Variants in PDE11A observed in about 807,000 individuals in gnomAD.
The protein encoded by PDE11A is dual 3',5'-cyclic-AMP and -GMP phosphodiesterase 11A.
In PDE11A, 100 loss-of-function variants were observed where a neutral mutation model predicts 100.5. That is an observed-to-expected ratio of 1.00 (90% CI 0.85 to 1.18). PDE11A has a LOEUF of 1.18. PDE11A is among the 50% of genes most tolerant of loss of function. The pLI, the probability that PDE11A is intolerant of heterozygous loss-of-function variation, is 0.00. For missense variants in PDE11A, 1,141 were observed against 1,152.6 expected (o/e 0.99, Z 0.15); for synonymous variants, 381 against 420.8 (o/e 0.91, Z 1.16).
intron 1 of PDE11A, among the ~76,000 whole-genome samples, chr2:178,050,499 A>T (rs2086809754): frequency 6.6e-6 from 1 of 152,218 alleles, no homozygotes; most frequent in Non-Finnish European, 1.5e-5. Context: ...GCTGGACAGA[A>T]AATGACTTTG....
intron 9 of PDE11A, among the ~76,000 whole-genome samples, chr2:177,783,932 T>C (rs2082492529): frequency 1.3e-5 from 2 of 152,204 alleles, no homozygotes; most frequent in African/African-American, 4.8e-5. Context: ...CTACCAAAGT[T>C]CCAGACAAAC....
At chr2:177,968,526 TA>T (rs1486939990) in intron 2 of PDE11A, among the ~76,000 whole-genome samples, 2 of 152,228 alleles carry the variant, frequency 1.3e-5, no homozygotes, top group Non-Finnish European at 2.9e-5. Context: ...AAAGAACTAC[TA>T]CATACAATTC....
Position 177,739,552 on chromosome 2 carries a change from C to G in PDE11A, c.1789-11380G>C, listed in dbSNP as rs116094620. ...TACCCAATCATCACCTTCCAGTGAG[C>G]TGGTCAGAAGAAATGTTTCAAAATT... On this transcript the variant is annotated intron_variant, in intron 10 of 19. Coordinates refer to ENST00000286063, the MANE Select transcript of PDE11A (RefSeq NM_016953.4). Among the ~76,000 whole-genome samples the G allele has an allele frequency of 6.2e-3, 940 of 152,260 alleles. 5 individuals carry two copies. Among genetic ancestry groups the G allele is most frequent in the African/African-American group, 0.022 (896 of 41,528 alleles).
chr2:177,701,511 G>A (rs2081196916), intron 13 of PDE11A, among the ~76,000 whole-genome samples: 1 of 152,076 alleles, frequency 6.6e-6, no homozygotes, highest in Non-Finnish European at 1.5e-5. Flanking sequence ...AAGATGAGAT[G>A]AGATAACAAG....
At chr2:177,664,117 T>G (rs2080532371) in intron 18 of PDE11A, among the ~76,000 whole-genome samples, 168 bp from the exon 19 acceptor site, 1 of 152,176 alleles carries the variant, frequency 6.6e-6, no homozygotes, top group Admixed American at 6.5e-5. Flanking sequence ...TGATGAGAAA[T>G]AAAATGTTTT....
At chr2:178,056,798 T>C (rs778493995) in intron 1 of PDE11A, among the ~76,000 whole-genome samples, 2 of 152,128 alleles carry the variant, frequency 1.3e-5, no homozygotes, top group African/African-American at 4.8e-5. Context: ...TTTCATATTA[T>C]ATCAGTTTGA....
At chr2:177,640,657 C>T (rs1247433075) in intron 19 of PDE11A, among the ~76,000 whole-genome samples, 1 of 152,200 alleles carries the variant, frequency 6.6e-6, no homozygotes, top group East Asian at 1.9e-4. Context: ...TGAGATACTC[C>T]CAGATTTTAC....
intron 2 of PDE11A, among the ~76,000 whole-genome samples, chr2:177,943,444 T>A (rs2085368231): frequency 6.6e-6 from 1 of 152,214 alleles, no homozygotes; most frequent in African/African-American, 2.4e-5. Flanking sequence ...ACATGATATC[T>A]CATTGTGGTT....
At chr2:177,718,753 AC>A (rs2081481094) in intron 12 of PDE11A, among the ~76,000 whole-genome samples, 1 of 152,216 alleles carries the variant, frequency 6.6e-6, no homozygotes, top group South Asian at 2.1e-4. Context: ...TCCATAAAGA[AC>A]ATTTGTTTAT....
At chr2:178,082,763 A>G (rs1256493720) in intron 2 of PDE11A, among the ~76,000 whole-genome samples, 1 of 152,196 alleles carries the variant, frequency 6.6e-6, no homozygotes, top group Non-Finnish European at 1.5e-5. Context: ...CAGAGGACAC[A>G]AAAACCCTCA....
chr2:177,873,296 T>C (rs545069544), intron 5 of PDE11A, among the ~76,000 whole-genome samples: 1 of 152,128 alleles, frequency 6.6e-6, no homozygotes, highest in Non-Finnish European at 1.5e-5. Context: ...TTATATGAGG[T>C]CATGAATAGC....
chr2:177,798,655 A>T (rs1350140303), intron 9 of PDE11A, among the ~76,000 whole-genome samples: 1 of 152,198 alleles, frequency 6.6e-6, no homozygotes, highest in East Asian at 1.9e-4. Context: ...ATAAAATGAT[A>T]TCTGATGAAG....
At chr2:177,650,941 C>T (rs941686277) in intron 19 of PDE11A, among the ~76,000 whole-genome samples, 1 of 152,204 alleles carries the variant, frequency 6.6e-6, no homozygotes, top group African/African-American at 2.4e-5. Flanking sequence ...CCTGCACATA[C>T]ATTATCTCAG....
intron 2 of PDE11A, among the ~76,000 whole-genome samples, chr2:177,940,698 T>C (rs1467956820): frequency 6.6e-6 from 1 of 152,228 alleles, no homozygotes; most frequent in African/African-American, 2.4e-5. Flanking sequence ...TTAATAGCTG[T>C]CATGGGATAA....
intron 2 of PDE11A, among the ~76,000 whole-genome samples, chr2:177,969,721 C>T (rs963775743): frequency 3.3e-5 from 5 of 152,030 alleles, no homozygotes; most frequent in African/African-American, 1.2e-4. Context: ...ATGTCAGTGC[C>T]AATCTTGTAT....
intron 9 of PDE11A, among the ~76,000 whole-genome samples, chr2:177,803,213 T>C (rs13427960): frequency 0.036 from 5,423 of 151,636 alleles, 297 homozygotes; most frequent in African/African-American, 0.11. Context: ...ATAATAGATA[T>C]AAAGCAAAAT....
chr2:177,853,716 G>GTT (rs1558974133), intron 5 of PDE11A, among the ~76,000 whole-genome samples: 2 of 98,098 alleles, frequency 2.0e-5, no homozygotes, highest in African/African-American at 7.6e-5. Context: ...GTGTGTGTTT[G>GTT]TGTGTGTGTG....
chr2:177,881,357 ATCT>A (rs2084337672), intron 4 of PDE11A, among the ~76,000 whole-genome samples: 1 of 151,448 alleles, frequency 6.6e-6, no homozygotes, highest in Non-Finnish European at 1.5e-5. Context: ...CTATCTATCT[ATCT>A]ATCTATCTAT....
chr2:177,962,920 AT>A (rs1379092776), intron 2 of PDE11A, among the ~76,000 whole-genome samples: 6 of 152,152 alleles, frequency 3.9e-5, no homozygotes, highest in Non-Finnish European at 5.9e-5. Context: ...ATCCAAATGC[AT>A]TTTTTTAAAA....
Sources: gnomAD v4.1 joint callset for allele counts (sites outside exome capture counted in the v4.1 genomes callset) on GRCh38, gnomAD v4.1.1 for gene constraint, MANE v1.5 for transcripts, NCBI Gene and HGNC (gene_info 2026-07-23, HGNC 2026-07-21) for gene names.